Variants in FAM110B observed in about 807,000 individuals in gnomAD.
FAM110B encodes family with sequence similarity 110 member B.
FAM110B carries 6 observed loss-of-function variants against 20.4 expected under a neutral mutation model. The observed-to-expected ratio is 0.29, with a 90% CI of 0.16 to 0.58. FAM110B has a LOEUF of 0.58. FAM110B is among the 20% of genes least tolerant of loss of function. The probability of loss-of-function intolerance (pLI) is 0.90; values close to 1 mark genes in which losing one functional copy is unlikely to be tolerated. For synonymous variants in FAM110B, 226 were observed against 214.1 expected (o/e 1.06, Z -0.49); for missense variants, 434 against 498.2 (o/e 0.87, Z 1.23).
intron 1 of FAM110B, among the ~76,000 whole-genome samples, chr8:58,004,862 C>G (rs1169295495): frequency 6.6e-6 from 1 of 152,212 alleles, no homozygotes; most frequent in Non-Finnish European, 1.5e-5. Flanking sequence ...TGGATTGGGC[C>G]TTGACTTACG....
At chr8:58,097,858 G>A (rs557009414) in intron 3 of FAM110B, among the ~76,000 whole-genome samples, 1 of 152,226 alleles carries the variant, frequency 6.6e-6, no homozygotes, top group Admixed American at 6.5e-5. Context: ...GTCCACTCCA[G>A]ACCCTGTTTG....
At chr8:58,091,897 T>A (rs1435700039) in intron 3 of FAM110B, among the ~76,000 whole-genome samples, 1 of 152,164 alleles carries the variant, frequency 6.6e-6, no homozygotes, top group Non-Finnish European at 1.5e-5. Context: ...GAACGTTAAC[T>A]CCATACCAGT....
At chr8:58,094,637 C>T (rs145342155) in intron 3 of FAM110B, among the ~76,000 whole-genome samples, 11,515 of 152,098 alleles carry the variant, frequency 0.076, 923 homozygotes, top group African/African-American at 0.2. Flanking sequence ...GATGTGCTGC[C>T]AGATTCGGTT....
intron 1 of FAM110B, among the ~76,000 whole-genome samples, chr8:58,024,470 T>C (rs1486320249): frequency 1.3e-5 from 2 of 152,224 alleles, no homozygotes; most frequent in Non-Finnish European, 2.9e-5. Flanking sequence ...GACTCTTCTG[T>C]GCCTGGCATT....
chr8:58,133,763 A>G (rs968247430), intron 3 of FAM110B, among the ~76,000 whole-genome samples: 1 of 152,152 alleles, frequency 6.6e-6, no homozygotes, highest in African/African-American at 2.4e-5. Context: ...TCTCCCTCCT[A>G]AGGCAGTGTC....
intron 2 of FAM110B, among the ~76,000 whole-genome samples, chr8:58,047,591 C>CTCTCTCTCTCTCTCTCTCTCT (rs370290365): frequency 2.7e-5 from 2 of 74,646 alleles, no homozygotes; most frequent in Non-Finnish European, 5.9e-5. Context: ...CTTCCTTTTT[C>CTCTCTCTCTCTCTCTCTCTCT]CTCTCTCTCT....
chr8:58,074,523 G>C (rs958697378), intron 2 of FAM110B, among the ~76,000 whole-genome samples: 4 of 152,204 alleles, frequency 2.6e-5, no homozygotes, highest in African/African-American at 9.7e-5. Context: ...GGGACATTCT[G>C]AGATAGTATT....
At chr8:58,029,019 G>A (rs750685291) in intron 1 of FAM110B, among the ~76,000 whole-genome samples, 1 of 152,116 alleles carries the variant, frequency 6.6e-6, no homozygotes, top group East Asian at 1.9e-4. Flanking sequence ...GGTGCTTTTC[G>A]GTTCTCATGC....
chr8:58,013,819 C>T (rs1804587631), intron 1 of FAM110B, among the ~76,000 whole-genome samples: 1 of 152,174 alleles, frequency 6.6e-6, no homozygotes, highest in Non-Finnish European at 1.5e-5. Context: ...GACTCAGGTA[C>T]TCTCAGGGAC....
At chr8:58,013,696 A>G (rs1327246756) in intron 1 of FAM110B, among the ~76,000 whole-genome samples, 1 of 152,114 alleles carries the variant, frequency 6.6e-6, no homozygotes, top group African/African-American at 2.4e-5. Context: ...ATCTTGACAC[A>G]TCATCCTCAC....
intron 1 of FAM110B, among the ~76,000 whole-genome samples, chr8:58,002,657 T>G (rs1364609829): frequency 6.6e-6 from 1 of 152,186 alleles, no homozygotes; most frequent in Non-Finnish European, 1.5e-5. Context: ...TCACTTGAAT[T>G]TTTTGGTTTC....
chr8:58,142,681 C>G (rs559858744), intron 3 of FAM110B, among the ~76,000 whole-genome samples: 1 of 152,232 alleles, frequency 6.6e-6, no homozygotes, highest in African/African-American at 2.4e-5. Context: ...CCTTTTTATC[C>G]CTTCATGAAA....
intron 2 of FAM110B, among the ~76,000 whole-genome samples, chr8:58,042,432 C>T (rs985582939): frequency 5.9e-5 from 9 of 152,184 alleles, no homozygotes; most frequent in African/African-American, 1.9e-4. Context: ...GATTCTTTTA[C>T]ACAACCTATC....
chr8:58,075,057 G>T (rs530244875), intron 2 of FAM110B, among the ~76,000 whole-genome samples: 1 of 151,862 alleles, frequency 6.6e-6, no homozygotes, highest in Non-Finnish European at 1.5e-5. Flanking sequence ...AATGCATTTT[G>T]GTGTACTGAC....
intron 3 of FAM110B, among the ~76,000 whole-genome samples, chr8:58,079,492 G>T (rs1806133357): frequency 2.0e-5 from 3 of 152,106 alleles, no homozygotes; most frequent in Non-Finnish European, 2.9e-5. Flanking sequence ...TATCAAATTG[G>T]CAGTAGGGTG....
At chr8:58,088,802 C>G (rs1806400348) in intron 3 of FAM110B, among the ~76,000 whole-genome samples, 1 of 152,210 alleles carries the variant, frequency 6.6e-6, no homozygotes, top group African/African-American at 2.4e-5. Context: ...GCTTTTAATA[C>G]TAGCTTTTTG....
chr8:58,048,882 A>G (rs1431104001), intron 2 of FAM110B, among the ~76,000 whole-genome samples: 2 of 152,258 alleles, frequency 1.3e-5, no homozygotes, highest in Admixed American at 1.3e-4. Flanking sequence ...TTGTGTGAGT[A>G]GTCATAGCTC....
At chr8:58,113,399 T>C (rs1218369136) in intron 3 of FAM110B, 4 of 208,336 alleles carry the variant, frequency 1.9e-5, no homozygotes, top group Non-Finnish European at 4.1e-5. Flanking sequence ...CATTTCTTCC[T>C]GTAAACCTTG....
intron 2 of FAM110B, among the ~76,000 whole-genome samples, chr8:58,045,489 G>C (rs1452827719): frequency 3.3e-5 from 5 of 152,124 alleles, no homozygotes; most frequent in Non-Finnish European, 7.4e-5. Flanking sequence ...GTCTGTTTCT[G>C]TGAACAGCTT....
Sources: gnomAD v4.1 joint callset for allele counts (sites outside exome capture counted in the v4.1 genomes callset) on GRCh38, gnomAD v4.1.1 for gene constraint, MANE v1.5 for transcripts, NCBI Gene and HGNC (gene_info 2026-07-23, HGNC 2026-07-21) for gene names.